The following BRAF variants were observed in gnomAD, a reference collection of about 807,000 sequenced individuals.
BRAF encodes serine/threonine-protein kinase B-raf.
Under a neutral mutation model 104.6 loss-of-function variants are expected in BRAF, and 16 were observed. The observed-to-expected ratio is 0.15, with a 90% confidence interval of 0.10 to 0.23. The LOEUF is 0.23. BRAF is among the 10% of genes least tolerant of loss of function. The probability of loss-of-function intolerance (pLI) is 1.00; values close to 1 mark genes in which losing one functional copy is unlikely to be tolerated. For synonymous variants in BRAF, 310 were observed against 341.6 expected, an observed-to-expected ratio of 0.91 and a Z score of 1.02; for missense variants, 541 against 937.3, an observed-to-expected ratio of 0.58 and a Z score of 5.52.
intron 17 of BRAF, chr7:140,740,298 ACTT>A: frequency 4.8e-6 from 1 of 209,782 alleles, no homozygotes; most frequent in South Asian, 8.6e-5. Context: ...TTTATTCAGC[ACTT>A]CTTGTTGTTG....
At chr7:140,804,571 C>T (rs1416176050) in intron 5 of BRAF, among the ~76,000 whole-genome samples, 8 of 152,008 alleles carry the variant, frequency 5.3e-5, no homozygotes, top group Non-Finnish European at 1.0e-4. Context: ...GAGCTGCCCA[C>T]CTTAGCCTCC....
chr7:140,893,500 C>T lies in BRAF; in HGVS notation c.138+31066G>A, dbSNP rs542986253. On this transcript the variant is annotated intron_variant, in intron 1 of 19. Transcript: ENST00000644969. Reference sequence around the variant, plus strand: ...TCTTGACCTCGTGATCTGCCCACCTCGGCCTCCCAAAGTGCTGTGATTACA... The same window carrying T: ...TCTTGACCTCGTGATCTGCCCACCTTGGCCTCCCAAAGTGCTGTGATTACA... 5.9e-5 allele frequency among the ~76,000 whole-genome samples: 9 copies of T among 152,182 alleles called. No individual in the cohort carries two copies. In the East Asian group the frequency reaches 1.6e-3, roughly 26 times the overall value.
At chr7:140,763,808 G>C (rs559590080) in intron 14 of BRAF, among the ~76,000 whole-genome samples, 6 of 152,256 alleles carry the variant, frequency 3.9e-5, no homozygotes, top group Non-Finnish European at 7.4e-5. Context: ...GTAATCAATA[G>C]CTTACCAACC....
At chr7:140,733,700 TAAC>T (rs1796159243) in intron 19 of BRAF, 1 of 152,310 alleles carries the variant, frequency 6.6e-6, no homozygotes. Flanking sequence ...AATAATCTAA[TAAC>T]AACTTTAAAA....
intron 14 of BRAF, among the ~76,000 whole-genome samples, chr7:140,766,815 G>C (rs1015059549): frequency 6.6e-6 from 1 of 152,000 alleles, no homozygotes; most frequent in African/African-American, 2.4e-5. Flanking sequence ...CTCCTAAAGT[G>C]CTTGGATTAC....
chr7:140,747,848 A>C (rs2128993011), intron 17 of BRAF, among the ~76,000 whole-genome samples: 1 of 152,344 alleles, frequency 6.6e-6, no homozygotes, highest in Non-Finnish European at 1.5e-5. Context: ...AAGTACAGTA[A>C]GTACAATGTT....
intron 3 of BRAF, among the ~76,000 whole-genome samples, chr7:140,814,867 T>TA: frequency 6.8e-6 from 1 of 147,644 alleles, no homozygotes; most frequent in Non-Finnish European, 1.5e-5. Flanking sequence ...AAAAGTTTTT[T>TA]AAAAAAACAG....
At chr7:140,766,941 C>T (rs972376104) in intron 14 of BRAF, among the ~76,000 whole-genome samples, 3 of 152,174 alleles carry the variant, frequency 2.0e-5, no homozygotes, top group Admixed American at 6.6e-5. Context: ...GATCTTCCCA[C>T]GTTAGCTTCC....
chr7:140,914,934 G>A (rs1270350782), intron 1 of BRAF, among the ~76,000 whole-genome samples: 1 of 134,880 alleles, frequency 7.4e-6, no homozygotes, highest in African/African-American at 2.8e-5. Flanking sequence ...CAGCTACTCT[G>A]GAGGCTGAGG....
intron 1 of BRAF, among the ~76,000 whole-genome samples, chr7:140,894,925 C>T (rs1010956347): frequency 6.6e-6 from 1 of 152,096 alleles, no homozygotes; most frequent in Admixed American, 6.6e-5. Context: ...AACTTACTTT[C>T]GAGAAACATT....
At chr7:140,894,279 G>GA (rs1814618381) in intron 1 of BRAF, among the ~76,000 whole-genome samples, 1 of 152,128 alleles carries the variant, frequency 6.6e-6, no homozygotes, top group Non-Finnish European at 1.5e-5. Context: ...ATTCTTGGCA[G>GA]AAAAAACAGA....
At chr7:140,754,430 T>C (rs752909044) in intron 14 of BRAF, among the ~76,000 whole-genome samples, 197 bp from the exon 14 acceptor site, 1 of 152,222 alleles carries the variant, frequency 6.6e-6, no homozygotes, top group East Asian at 1.9e-4. Flanking sequence ...ATCACTATAA[T>C]GGTACAGTCA....
Position 140,892,988 on chromosome 7 carries a change from A to G in BRAF, c.138+31578T>C, listed in dbSNP as rs1045741010. Among the ~76,000 whole-genome samples, 5 of 152,206 alleles carry G rather than the reference A, an allele frequency of 3.3e-5. No homozygotes were observed. The East Asian group carries it at 7.7e-4, about 23-fold the overall frequency. ...CTGAGCAGAACAAATTAAAAATCAAATCATCGAACAGGAATCTATTTGATG... is the reference window on the plus strand; with the variant it reads ...CTGAGCAGAACAAATTAAAAATCAAGTCATCGAACAGGAATCTATTTGATG... On this transcript the variant is annotated intron_variant, in intron 1 of 19. Transcript: ENST00000644969.
At chr7:140,901,463 T>A (rs1215507951) in intron 1 of BRAF, among the ~76,000 whole-genome samples, 1 of 152,202 alleles carries the variant, frequency 6.6e-6, no homozygotes, top group Non-Finnish European at 1.5e-5. Flanking sequence ...GTTTTTAAAG[T>A]ATATTTTGGC....
intron 1 of BRAF, among the ~76,000 whole-genome samples, chr7:140,896,316 A>G (rs967605787): frequency 6.6e-6 from 1 of 152,160 alleles, no homozygotes; most frequent in African/African-American, 2.4e-5. Context: ...CAGTAAAAAA[A>G]TATATTTTTT....
At chr7:140,755,067 G>A (rs934444379) in intron 14 of BRAF, among the ~76,000 whole-genome samples, 6 of 152,166 alleles carry the variant, frequency 3.9e-5, no homozygotes, top group African/African-American at 1.4e-4. Flanking sequence ...AGGCTGGAGT[G>A]TAGTGGCACG....
chr7:140,753,609 G>A, intron 15 of BRAF: 1 of 425,664 alleles, frequency 2.3e-6, no homozygotes, highest in Non-Finnish European at 4.3e-6. Flanking sequence ...GATTTTTGGG[G>A]CTTGAAATGT....
chr7:140,720,187 AG>A lies in BRAF; in HGVS notation c.*6306del. On this transcript the variant is annotated 3_prime_UTR_variant, in exon 20 of 20. Transcript: ENST00000644969. ...AGGAAAGGCAGCAATTGCCATGTTGAGGAAAGGATCAGATGTACAACCAACA... is the reference window on the plus strand; with the variant it reads ...AGGAAAGGCAGCAATTGCCATGTTGAGAAAGGATCAGATGTACAACCAACA... 9.4e-7 allele frequency: 1 copy of A among 1,062,612 alleles called. No homozygotes were observed. Among genetic ancestry groups the A allele is most frequent in the Non-Finnish European group, 1.1e-6 (1 of 877,602 alleles). 65.8% of individuals were successfully genotyped at this position (1,062,612 alleles called of 1,614,324 possible). A position where few individuals can be genotyped will look rare whatever the true frequency, so the allele number is the denominator to read the frequency against.
At chr7:140,768,144 A>G (rs1027027280) in intron 14 of BRAF, among the ~76,000 whole-genome samples, 1 of 152,240 alleles carries the variant, frequency 6.6e-6, no homozygotes, top group Non-Finnish European at 1.5e-5. Context: ...TACACAATAC[A>G]CATCAAAATA....
Sources: gnomAD v4.1 joint callset for allele counts (sites outside exome capture counted in the v4.1 genomes callset) on GRCh38, gnomAD v4.1.1 for gene constraint, MANE v1.5 for transcripts, NCBI Gene and HGNC (gene_info 2026-07-23, HGNC 2026-07-21) for gene names.